The following DNAJB6 variants were observed in gnomAD, a reference collection of about 807,000 sequenced individuals.
The protein encoded by DNAJB6 is DnaJ heat shock protein family (Hsp40) member B6.
DNAJB6 carries 16 observed loss-of-function variants against 42.7 expected under a neutral mutation model. That is an observed-to-expected ratio of 0.37 (90% confidence interval 0.25 to 0.57). DNAJB6 has a LOEUF of 0.57. DNAJB6 is among the 20% of genes least tolerant of loss of function. DNAJB6 has a pLI of 0.74. For missense variants in DNAJB6, 347 were observed against 416.8 expected, an observed-to-expected ratio of 0.83 and a Z score of 1.46; for synonymous variants, 170 against 163.5, an observed-to-expected ratio of 1.04 and a Z score of -0.30.
At chr7:157,363,339 C>T in intron 3 of DNAJB6, 69 bp downstream of exon 3, 2 of 1,045,488 alleles carry the variant, frequency 1.9e-6, no homozygotes, top group Non-Finnish European at 2.9e-6. Context: ...TGTTGGGATC[C>T]TCCTCAGGGT....
At chr7:157,396,137 CAG>C (rs1177680649) in intron 8 of DNAJB6, among the ~76,000 whole-genome samples, 2 of 152,016 alleles carry the variant, frequency 1.3e-5, no homozygotes, top group Admixed American at 6.5e-5. Flanking sequence ...TTAGGAGAGA[CAG>C]AGTTTCACTA....
chr7:157,409,944 G>A lies in DNAJB6; in HGVS notation c.841G>A (p.Gly281Ser). 6.5e-7 allele frequency: 1 copy of A among 1,536,938 alleles called. No homozygotes were observed. Residue 281 changes from glycine to serine, a missense_variant, in exon 9 of 10, where the codon GGC (glycine) becomes AGC (serine). Gly to Ser is a moderately conservative substitution (Grantham distance 56). Transcript: ENST00000262177. ...GCCTCACTGTCTCTCTGAGGAGGAG[G>A]GCGAGCAGGACCGACCTCGGGCACC... ...HAPHCLSEEEGEQDRPRAPGP... is the reference protein window; with the variant it reads ...HAPHCLSEEESEQDRPRAPGP...
chr7:157,356,912 T>C (rs1303952916), intron 1 of DNAJB6, among the ~76,000 whole-genome samples: 1 of 152,212 alleles, frequency 6.6e-6, no homozygotes, highest in Non-Finnish European at 1.5e-5. Context: ...TTAGTCATTC[T>C]GTCGAATTGA....
chr7:157,391,685 A>G (rs143433470), intron 8 of DNAJB6, among the ~76,000 whole-genome samples: 1 of 152,248 alleles, frequency 6.6e-6, no homozygotes, highest in African/African-American at 2.4e-5. Context: ...CTGGCAAAAT[A>G]TTGATGTCCT....
intron 1 of DNAJB6, among the ~76,000 whole-genome samples, chr7:157,338,231 G>A (rs1430199174): frequency 6.6e-6 from 1 of 152,124 alleles, no homozygotes; most frequent in Non-Finnish European, 1.5e-5. Flanking sequence ...AAATAGTGTT[G>A]CGTATCAGAA....
intron 9 of DNAJB6, chr7:157,415,261 A>T (rs1796081762): frequency 6.6e-6 from 1 of 152,284 alleles, no homozygotes; most frequent in African/African-American, 2.4e-5. Context: ...ATGAATCCAG[A>T]GGTGTTTATT....
chr7:157,357,316 TTCC>T lies in DNAJB6; in HGVS notation c.-26-1229_-26-1227del, dbSNP rs1246016868. On this transcript the variant is annotated intron_variant, in intron 1 of 9. Coordinates refer to ENST00000262177, the MANE Select transcript of DNAJB6 (RefSeq NM_058246.4). ...CTTCCTTCCTTCCTTCCTTCCTTCC[TTCC>T]TTCCTCGTTCCGTCGCCCGGGCTGG... Among the ~76,000 whole-genome samples the T allele has an allele frequency of 3.9e-4, 13 of 33,468 alleles. 4 individuals are homozygous for T. The highest frequency in any genetic ancestry group is 7.2e-4 in the Admixed American group (2 of 2,772). 22.0% of individuals were successfully genotyped at this position (33,468 alleles called of 152,430 possible).
rs147087614 is a variant in DNAJB6, at chr7:157,344,272, C to T, written c.-27+7128C>T. 3.1e-3 allele frequency among the ~76,000 whole-genome samples: 473 copies of T among 151,810 alleles called. 2 individuals carry two copies. Among genetic ancestry groups the T allele is most frequent in the African/African-American group, 0.011 (437 of 41,404 alleles). On this transcript the variant is annotated intron_variant, in intron 1 of 9. Transcript: ENST00000262177. Reference sequence around the variant, plus strand: ...AGGAGAATGGCGTGAACGCGGGAGGCGGAGCTTGCAGTGAGCCGAGATCCC... The same window carrying T: ...AGGAGAATGGCGTGAACGCGGGAGGTGGAGCTTGCAGTGAGCCGAGATCCC...
intron 5 of DNAJB6, chr7:157,368,788 C>T: frequency 6.0e-6 from 1 of 165,578 alleles, no homozygotes; most frequent in Non-Finnish European, 1.3e-5. Context: ...ATGTTTACCT[C>T]CTTCATTGCC....
chr7:157,351,660 AC>A lies in DNAJB6; in HGVS notation c.-26-6886del, dbSNP rs1434949464. ...AACAACAACAACAACAACAACAACA[AC>A]AAAAAAAACCACAAAACTTGTTTGG... is the stretch of plus-strand genomic sequence containing the variant. On this transcript the variant is annotated intron_variant, in intron 1 of 9. Transcript: ENST00000262177. Among the ~76,000 whole-genome samples, 509 of 35,158 alleles carry A rather than the reference AC, an allele frequency of 0.014. 11 individuals are homozygous for A. The East Asian group carries it at 0.33, about 23-fold the overall frequency. The allele number at this position is 35,158 out of a possible 152,430, so 23.1% of individuals were successfully genotyped here. A position where few individuals can be genotyped will look rare whatever the true frequency, so the allele number is the denominator to read the frequency against.
chr7:157,413,795 T>C (rs1432177752), intron 9 of DNAJB6: 1 of 146,398 alleles, frequency 6.8e-6, no homozygotes, highest in Non-Finnish European at 1.5e-5. Flanking sequence ...TGATCTCGGC[T>C]CACTGCAACC....
intron 9 of DNAJB6, chr7:157,410,246 G>C (rs1037096760): frequency 1.1e-6 from 1 of 901,348 alleles, no homozygotes; most frequent in Non-Finnish European, 1.5e-6. Context: ...GCAGCGTGTT[G>C]CTCCGCAAAG....
At chr7:157,340,663 A>G (rs1798313805) in intron 1 of DNAJB6, among the ~76,000 whole-genome samples, 1 of 152,018 alleles carries the variant, frequency 6.6e-6, no homozygotes, top group African/African-American at 2.4e-5. Flanking sequence ...AGGAATATTG[A>G]TTGATGATTA....
At chr7:157,401,728 AC>A (rs1795525943) in intron 8 of DNAJB6, among the ~76,000 whole-genome samples, 1 of 152,230 alleles carries the variant, frequency 6.6e-6, no homozygotes, top group African/African-American at 2.4e-5. Context: ...GTGAAGCATT[AC>A]GCAATAAAGA....
intron 5 of DNAJB6, among the ~76,000 whole-genome samples, chr7:157,374,081 T>C (rs1210973636): frequency 6.6e-6 from 1 of 152,154 alleles, no homozygotes; most frequent in African/African-American, 2.4e-5. Flanking sequence ...CCAGCTAAAG[T>C]TGTTGGAACC....
At chr7:157,400,834 G>A (rs576581874) in intron 8 of DNAJB6, among the ~76,000 whole-genome samples, 4 of 152,310 alleles carry the variant, frequency 2.6e-5, no homozygotes, top group Admixed American at 2.6e-4. Context: ...CCTGCAGAGG[G>A]GCCTGGCACA....
rs758219559 is a variant in DNAJB6 at position 157,376,264 on chromosome 7, G to GTA, written c.347-5972_347-5971dup. On this transcript the variant is annotated intron_variant, in intron 5 of 9. Coordinates refer to ENST00000262177, the MANE Select transcript of DNAJB6 (RefSeq NM_058246.4). ...GGTCAGTTTTCTCACACTGTTCATT[G>GTA]TATATATATATTTTTTGGTCATAAA... Among the ~76,000 whole-genome samples the GTA allele has an allele frequency of 2.0e-5, 3 of 152,088 alleles. No homozygotes were observed. The South Asian group carries it at 6.2e-4, about 32-fold the overall frequency.
intron 1 of DNAJB6, among the ~76,000 whole-genome samples, chr7:157,353,251 G>C (rs1481984238): frequency 6.6e-6 from 1 of 150,518 alleles, no homozygotes; most frequent in Non-Finnish European, 1.5e-5. Flanking sequence ...GTGTCCTTTT[G>C]ATGTACACTT....
intron 8 of DNAJB6, among the ~76,000 whole-genome samples, chr7:157,390,425 G>A (rs576491714): frequency 6.6e-6 from 1 of 152,326 alleles, no homozygotes; most frequent in South Asian, 2.1e-4. Flanking sequence ...GGGCAGCGCT[G>A]TCATCCCATT....
Sources: gnomAD v4.1 joint callset for allele counts (sites outside exome capture counted in the v4.1 genomes callset) on GRCh38, gnomAD v4.1.1 for gene constraint, MANE v1.5 for transcripts, NCBI Gene and HGNC (gene_info 2026-07-23, HGNC 2026-07-21) for gene names.